The following RPSA2 variants were observed in gnomAD, a reference collection of about 807,000 sequenced individuals.
RPSA2 encodes small ribosomal subunit protein uS2B.
At chr19:23,766,662 G>C in the RPSA2 span, among the ~76,000 whole-genome samples, 1 of 151,526 alleles carries the variant, frequency 6.6e-6, no homozygotes, top group South Asian at 2.1e-4. Flanking sequence ...CACCGTGTTA[G>C]CCAGGATGGT....
At chr19:23,788,646 A>G in the RPSA2 span, among the ~76,000 whole-genome samples, 1 of 152,166 alleles carries the variant, frequency 6.6e-6, no homozygotes. Flanking sequence ...CTACCCTGCC[A>G]TAAGGGAATT....
At chr19:23,814,933 C>A in the RPSA2 span, among the ~76,000 whole-genome samples, 3 of 152,158 alleles carry the variant, frequency 2.0e-5, no homozygotes, top group African/African-American at 4.8e-5. Flanking sequence ...GCAGCCTCAA[C>A]CTACCAGGTT....
chr19:23,795,695 C>T, the RPSA2 span, among the ~76,000 whole-genome samples: 1 of 152,222 alleles, frequency 6.6e-6, no homozygotes, highest in Non-Finnish European at 1.5e-5. Flanking sequence ...ACCAGGACTT[C>T]CTATTTTATG....
chr19:23,758,596 T>G, the RPSA2 span: 2 of 1,177,012 alleles, frequency 1.7e-6, no homozygotes, highest in South Asian at 1.2e-5. Context: ...GGGCTGGCTG[T>G]CAGCGCAGCC....
At chr19:23,804,616 G>A in the RPSA2 span, among the ~76,000 whole-genome samples, 3 of 152,142 alleles carry the variant, frequency 2.0e-5, no homozygotes, top group Non-Finnish European at 4.4e-5. Context: ...TTTCTAAACA[G>A]TGCTAATAAT....
chr19:23,835,512 A>G, the RPSA2 span, among the ~76,000 whole-genome samples: 1 of 152,150 alleles, frequency 6.6e-6, no homozygotes, highest in South Asian at 2.1e-4. Flanking sequence ...TTACCGTGCA[A>G]TCTTTTGGCT....
chr19:23,857,206 A>T, the RPSA2 span, among the ~76,000 whole-genome samples: 2 of 152,206 alleles, frequency 1.3e-5, no homozygotes, highest in Admixed American at 1.3e-4. Context: ...TTGTTCAAAC[A>T]CACGTTTTAC....
At chr19:23,813,438 C>T in the RPSA2 span, among the ~76,000 whole-genome samples, 9 of 152,024 alleles carry the variant, frequency 5.9e-5, no homozygotes, top group East Asian at 9.7e-4. Context: ...ATATATCTTA[C>T]GTAAGTGAAA....
chr19:23,782,757 C>T, the RPSA2 span, among the ~76,000 whole-genome samples: 1 of 152,122 alleles, frequency 6.6e-6, no homozygotes, highest in Non-Finnish European at 1.5e-5. Context: ...GACTCCTCTT[C>T]ATTCTTGACT....
chr19:23,837,719 A>G, the RPSA2 span, among the ~76,000 whole-genome samples: 28 of 152,060 alleles, frequency 1.8e-4, no homozygotes, highest in African/African-American at 5.3e-4. Flanking sequence ...CAGCTATTGT[A>G]AAAGGGGATG....
the RPSA2 span, chr19:23,827,102 A>C: frequency 1.3e-6 from 1 of 748,884 alleles, no homozygotes; most frequent in Non-Finnish European, 2.3e-6. Flanking sequence ...CGCTACCTGC[A>C]GAGGGGTCCA....
the RPSA2 span, among the ~76,000 whole-genome samples, chr19:23,868,116 C>T: frequency 6.6e-6 from 1 of 152,198 alleles, no homozygotes; most frequent in Non-Finnish European, 1.5e-5. Flanking sequence ...GCTATTAGTG[C>T]ACAAATTAAA....
chr19:23,825,461 ATC>A, the RPSA2 span, among the ~76,000 whole-genome samples: 1 of 152,174 alleles, frequency 6.6e-6, no homozygotes, highest in Non-Finnish European at 1.5e-5. Context: ...CAATAGAATT[ATC>A]TCTGTGTTTG....
chr19:23,801,255 G>A, the RPSA2 span, among the ~76,000 whole-genome samples: 3 of 141,766 alleles, frequency 2.1e-5, no homozygotes, highest in Admixed American at 6.9e-5. Flanking sequence ...GGGGAGGGTT[G>A]GGGGGGATGG....
chr19:23,814,832 G>T, the RPSA2 span, among the ~76,000 whole-genome samples: 3 of 152,032 alleles, frequency 2.0e-5, no homozygotes, highest in East Asian at 5.8e-4. Flanking sequence ...AAATATATTT[G>T]TTGTTGTTGT....
At chr19:23,865,143 G>A in the RPSA2 span, among the ~76,000 whole-genome samples, 1 of 152,194 alleles carries the variant, frequency 6.6e-6, no homozygotes, top group Non-Finnish European at 1.5e-5. Flanking sequence ...GATGAATGGG[G>A]ACCCCAGGAC....
the RPSA2 span, among the ~76,000 whole-genome samples, chr19:23,844,876 T>C: frequency 1.3e-5 from 2 of 151,190 alleles, no homozygotes; most frequent in Admixed American, 1.3e-4. Context: ...AATTTGGCTG[T>C]GCATTTATCT....
the RPSA2 span, among the ~76,000 whole-genome samples, chr19:23,806,040 T>C: frequency 1.7e-5 from 1 of 57,454 alleles, no homozygotes; most frequent in African/African-American, 4.9e-5. Context: ...TCTATCCTTC[T>C]TTCTTTCTTT....
chr19:23,790,851 C>G, the RPSA2 span: 130 of 527,050 alleles, frequency 2.5e-4, no homozygotes, highest in African/African-American at 2.6e-3. Context: ...TGGTGGGACT[C>G]AGGCCTCCCC....
Sources: allele counts gnomAD v4.1 joint callset (sites outside exome capture counted in the v4.1 genomes callset), GRCh38; gene constraint gnomAD v4.1.1; transcripts MANE v1.5; gene names NCBI Gene and HGNC (gene_info 2026-07-23, HGNC 2026-07-21).